The following IRGM variants were observed in gnomAD, a reference collection of about 807,000 sequenced individuals.
IRGM encodes immunity-related GTPase family M protein.
For missense variants in IRGM, 288 were observed against 219.9 expected (o/e 1.31, Z -1.96); for synonymous variants, 98 against 80.6 (o/e 1.22, Z -1.16).
intron 3 of IRGM, chr5:150,895,919 A>G: frequency 6.2e-7 from 1 of 1,613,466 alleles, no homozygotes; most frequent in Non-Finnish European, 8.5e-7. Flanking sequence ...CCTCACATTG[A>G]GCACATTTGT....
At chr5:150,881,538 A>T (rs1008895401) in intron 3 of IRGM, among the ~76,000 whole-genome samples, 3 of 151,586 alleles carry the variant, frequency 2.0e-5, no homozygotes, top group African/African-American at 4.9e-5. Context: ...ATGAAAGTAT[A>T]AAAAAACTGG....
At chr5:150,889,542 C>T (rs971515095) in intron 3 of IRGM, among the ~76,000 whole-genome samples, 3 of 151,990 alleles carry the variant, frequency 2.0e-5, no homozygotes, top group African/African-American at 7.2e-5. Context: ...ATATCATCTG[C>T]AAATAGAGTT....
At position 150,847,085 on chromosome 5, in the gene IRGM, C is replaced by T. The variant is rs983731670; in HGVS notation, c.-551C>T. ...AGCAGAGCATTTGAGTATGCTGTCT[C>T]CTCCTCTCCCTCACTTCAGTTGGGC... On this transcript the variant is annotated 5_prime_UTR_variant, in exon 1 of 2. Transcript: ENST00000522154. 1.3e-5 allele frequency: 2 copies of T among 152,312 alleles called. No individual in the cohort carries two copies. Among genetic ancestry groups the T allele is most frequent in the East Asian group, 1.9e-4 (1 of 5,326 alleles). The allele number at this position is 152,312 out of a possible 1,614,324, so 9.4% of individuals were successfully genotyped here.
At chr5:150,892,481 A>T (rs1754625398) in intron 3 of IRGM, among the ~76,000 whole-genome samples, 1 of 152,136 alleles carries the variant, frequency 6.6e-6, no homozygotes. Flanking sequence ...CAGTTTTGAG[A>T]TCTTCTACAT....
At chr5:150,868,998 TG>T (rs1312981656) in intron 1 of IRGM, among the ~76,000 whole-genome samples, 1 of 152,196 alleles carries the variant, frequency 6.6e-6, no homozygotes, top group Non-Finnish European at 1.5e-5. Flanking sequence ...CTGATTGCTC[TG>T]GCCAGGACTT....
chr5:150,884,869 T>A (rs765416843), intron 3 of IRGM, among the ~76,000 whole-genome samples: 2 of 152,132 alleles, frequency 1.3e-5, no homozygotes, highest in African/African-American at 2.4e-5. Context: ...GTAGGTTATC[T>A]ATTTACTCTG....
chr5:150,889,599 T>A (rs1754577266), intron 3 of IRGM, among the ~76,000 whole-genome samples: 1 of 152,154 alleles, frequency 6.6e-6, no homozygotes, highest in African/African-American at 2.4e-5. Context: ...GCTATTGTAC[T>A]GCCTTGGACC....
Position 150,848,407 on chromosome 5 carries a change from G to A in IRGM, c.284G>A (p.Gly95Glu). 1 of 1,551,816 alleles carries A rather than the reference G, an allele frequency of 6.4e-7. No individual in the cohort carries two copies. Among genetic ancestry groups the A allele is most frequent in the Non-Finnish European group, 8.7e-7 (1 of 1,146,984 alleles). Reference sequence around the variant, plus strand: ...GTGTTGTGGGACCTGCCTGGCACAGGGTCTGCCACCACAACCCTGGAGAAC... The same window carrying A: ...GTGTTGTGGGACCTGCCTGGCACAGAGTCTGCCACCACAACCCTGGAGAAC... ...NVVLWDLPGT[G>E]SATTTLENYL... The change falls in exon 2 of 2, where the codon GGG becomes GAG. Residue 95 changes from glycine to glutamate, a missense_variant. Coordinates refer to ENST00000522154, the MANE Select transcript of IRGM (RefSeq NM_001145805.2).
At chr5:150,867,206 A>G (rs1277376841) in intron 1 of IRGM, among the ~76,000 whole-genome samples, 1 of 152,184 alleles carries the variant, frequency 6.6e-6, no homozygotes, top group Non-Finnish European at 1.5e-5. Context: ...TTGTGTCCTC[A>G]TAGCTTCACT....
At chr5:150,852,013 C>T (rs1753984825), downstream of IRGM, among the ~76,000 whole-genome samples, 1 of 151,706 alleles carries the variant, frequency 6.6e-6, no homozygotes, top group Non-Finnish European at 1.5e-5. Flanking sequence ...AAAGTACATT[C>T]CAGTGCAAAA....
chr5:150,847,357 TGAA>T (rs1753883913), intron 1 of IRGM, 137 bp downstream of exon 1: 1 of 152,332 alleles, frequency 6.6e-6, no homozygotes, highest in African/African-American at 2.4e-5. Context: ...AAATATGTAC[TGAA>T]ACTTGTGAAG....
chr5:150,872,576 T>C (rs1395638330), intron 1 of IRGM, among the ~76,000 whole-genome samples: 5 of 152,146 alleles, frequency 3.3e-5, no homozygotes, highest in African/African-American at 1.2e-4. Context: ...GGCAGGGGAA[T>C]GGCTATTAAA....
intron 1 of IRGM, among the ~76,000 whole-genome samples, chr5:150,875,043 C>T (rs1049505952): frequency 2.6e-5 from 4 of 152,166 alleles, no homozygotes; most frequent in Non-Finnish European, 5.9e-5. Flanking sequence ...TGGGCTTGAG[C>T]AGGTCTTGAA....
At chr5:150,901,592 G>T (rs1342844096), downstream of IRGM, among the ~76,000 whole-genome samples, 1 of 151,932 alleles carries the variant, frequency 6.6e-6, no homozygotes, top group Middle Eastern at 3.2e-3. Flanking sequence ...TATACACAAG[G>T]ACTCCTAATG....
chr5:150,894,381 G>C (rs1754675343), intron 3 of IRGM: 1 of 152,228 alleles, frequency 6.6e-6, no homozygotes, highest in Non-Finnish European at 1.5e-5. Context: ...AAGAAGTGAA[G>C]AGACATTAGG....
intron 3 of IRGM, chr5:150,895,503 C>T: frequency 6.2e-7 from 1 of 1,613,538 alleles, no homozygotes; most frequent in Non-Finnish European, 8.5e-7. Flanking sequence ...ACATATAGCA[C>T]ATTGATAGGG....
At chr5:150,861,678 A>C (rs1454293094) in intron 1 of IRGM, among the ~76,000 whole-genome samples, 1 of 152,168 alleles carries the variant, frequency 6.6e-6, no homozygotes, top group Admixed American at 6.5e-5. Context: ...GTCCATCTGA[A>C]ACTTATGTAC....
intron 1 of IRGM, among the ~76,000 whole-genome samples, chr5:150,870,819 G>C (rs902827987): frequency 6.6e-5 from 10 of 150,954 alleles, no homozygotes; most frequent in African/African-American, 2.5e-4. Flanking sequence ...CATTTGTTTT[G>C]CTTAACTGTT....
chr5:150,896,619 T>A, intron 3 of IRGM: 1 of 1,613,686 alleles, frequency 6.2e-7, no homozygotes, highest in Non-Finnish European at 8.5e-7. Flanking sequence ...TTTTCTTGAA[T>A]TGCTCTTATA....
Sources: allele counts gnomAD v4.1 joint callset (sites outside exome capture counted in the v4.1 genomes callset), GRCh38; gene constraint gnomAD v4.1.1; transcripts MANE v1.5; gene names NCBI Gene and HGNC (gene_info 2026-07-23, HGNC 2026-07-21).